PC: variants seen among roughly 807,000 people sequenced by gnomAD.
PC encodes pyruvate carboxylase, mitochondrial.
In PC, 46 loss-of-function variants were observed where a neutral mutation model predicts 107.8. That is an observed-to-expected ratio of 0.43 (90% CI 0.34 to 0.55). The LOEUF is 0.55. Ranked by LOEUF, PC falls within the 20% of genes least tolerant of loss-of-function variation. PC has a pLI of 0.04. For synonymous variants in PC, 662 were observed against 684.7 expected (o/e 0.97, Z 0.52); for missense variants, 1,241 against 1,643.1 (o/e 0.76, Z 4.23).
In PC at chr11:66,927,136, C is replaced by T. The variant is rs1031650818; in HGVS notation, c.-1+25294G>A. ...TCTCCTGAGTAGCTGGGATTACAGGCATGCACCATCATGCCCAGCTAATTT... is the reference window on the plus strand; with the variant it reads ...TCTCCTGAGTAGCTGGGATTACAGGTATGCACCATCATGCCCAGCTAATTT... On this transcript the variant is annotated intron_variant, in intron 3 of 22. Transcript: ENST00000393960. Among the ~76,000 whole-genome samples, 4 of 143,380 alleles carry T rather than the reference C, an allele frequency of 2.8e-5. No homozygotes were observed. The Admixed American group carries it at 3.1e-4, about 11-fold the overall frequency. 94.1% of individuals were successfully genotyped at this position (143,380 alleles called of 152,430 possible). A position where few individuals can be genotyped will look rare whatever the true frequency, so the allele number is the denominator to read the frequency against.
chr11:66,855,222 C>CT (rs1184262196), intron 12 of PC, among the ~76,000 whole-genome samples: 2 of 152,236 alleles, frequency 1.3e-5, no homozygotes, highest in African/African-American at 2.4e-5. Context: ...ACTGTAAGCT[C>CT]TATGGGGGCA....
Position 66,857,627 on chromosome 11 carries a change from C to T in PC, c.1369-4244G>A. 1.7e-6 allele frequency: 2 copies of T among 1,191,926 alleles called. No individual in the cohort carries two copies. The highest frequency in any genetic ancestry group is 3.2e-5 in the South Asian group (2 of 62,968). The allele number at this position is 1,191,926 out of a possible 1,614,324, so 73.8% of individuals were successfully genotyped here. ...CGGCCCTCTTGGGCCTCTGACCCAG[C>T]CCCTCCCCGGGCCAGGCTCACAGAA... On this transcript the variant is annotated intron_variant, in intron 12 of 22. Coordinates refer to ENST00000393960, the MANE Select transcript of PC (RefSeq NM_001040716.2). The surrounding 1 kb of genome is among the most constrained non-coding windows in gnomAD (Gnocchi z 7.1).
chr11:66,924,369 C>CAAACAAAAAAAAAAA (rs1948664929), intron 3 of PC, among the ~76,000 whole-genome samples: 1 of 65,590 alleles, frequency 1.5e-5, no homozygotes, highest in Non-Finnish European at 2.9e-5. Flanking sequence ...CCATCTCTAC[C>CAAACAAAAAAAAAAA]AAAAAAAAAA....
intron 3 of PC, among the ~76,000 whole-genome samples, chr11:66,886,621 G>C (rs961576404): frequency 2.6e-5 from 4 of 152,160 alleles, no homozygotes; most frequent in African/African-American, 7.2e-5. Context: ...ATACTTAGGA[G>C]GTGGCATCAA....
rs187407656 is a variant in PC, at chr11:66,951,041, G to A, written c.-1+1389C>T. 3.2e-4 allele frequency among the ~76,000 whole-genome samples: 48 copies of A among 152,172 alleles called. No homozygotes were observed. In the East Asian group the frequency reaches 5.4e-3, roughly 17 times the overall value. On this transcript the variant is annotated intron_variant, in intron 3 of 22. Transcript: ENST00000393960. ...CCTTACTCAATGGTAGCACGCAGAC[G>A]GCACCTGCTGGCCCAAGACCTAGCT...
intron 3 of PC, among the ~76,000 whole-genome samples, chr11:66,928,983 A>T (rs1948783868): frequency 6.6e-6 from 1 of 152,210 alleles, no homozygotes; most frequent in African/African-American, 2.4e-5. Flanking sequence ...GGGCCTGTGT[A>T]TGATTCCTGC....
intron 2 of PC, among the ~76,000 whole-genome samples, 154 bp downstream of exon 2, chr11:66,954,095 C>T (rs1949501067): frequency 6.6e-6 from 1 of 152,096 alleles, no homozygotes; most frequent in South Asian, 2.1e-4. Flanking sequence ...TCCTGTGTCT[C>T]GAAGAATAAT....
chr11:66,901,626 A>G (rs1328716411), intron 3 of PC, among the ~76,000 whole-genome samples: 4 of 152,182 alleles, frequency 2.6e-5, no homozygotes, highest in African/African-American at 9.6e-5. Context: ...ACCTGCCACC[A>G]TGCCTGGCTA....
Position 66,945,431 on chromosome 11 carries a change from C to T in PC, c.-1+6999G>A, listed in dbSNP as rs76060760. Among the ~76,000 whole-genome samples the T allele has an allele frequency of 5.1e-4, 38 of 74,846 alleles. 12 individuals are homozygous for T. Among genetic ancestry groups the T allele is most frequent in the Non-Finnish European group, 9.5e-4 (33 of 34,866 alleles). The allele number at this position is 74,846 out of a possible 152,430, so 49.1% of individuals were successfully genotyped here. ...ATTCAAATGGTTTGGGGGGGCGGGTCGGAACTGCAGAGTTACATGAGATGA... is the reference window on the plus strand; with the variant it reads ...ATTCAAATGGTTTGGGGGGGCGGGTTGGAACTGCAGAGTTACATGAGATGA... On this transcript the variant is annotated intron_variant, in intron 3 of 22. Coordinates refer to ENST00000393960, the MANE Select transcript of PC (RefSeq NM_001040716.2).
chr11:66,870,493 T>A lies in PC; in HGVS notation c.752-40A>T. Reference sequence around the variant, plus strand: ...AAACTGGGCTTAGCTTTTACTGGAATCTACACGCCTCCTAAATGCCCCATC... The same window carrying A: ...AAACTGGGCTTAGCTTTTACTGGAAACTACACGCCTCCTAAATGCCCCATC... On this transcript the variant is annotated intron_variant, in intron 8 of 22. Transcript: ENST00000393960. The surrounding 1 kb of genome is among the most constrained non-coding windows in gnomAD (Gnocchi z 6.1). The A allele has an allele frequency of 6.2e-7, 1 of 1,604,350 alleles. No individual in the cohort carries two copies.
At position 66,871,460 on chromosome 11, in the gene PC, C is replaced by T. The variant is rs1237432876; in HGVS notation, c.342G>A (p.Val114=). ...KVAKENNVDA[V]HPGYGFLSER... The stretch of plus-strand genomic sequence containing the variant: ...CAGAGAGGAACCCGTAGCCAGGGTG[C>T]ACTGCATCTACGTTGTTCTCCTGCA... The change falls in exon 6 of 23, where the codon GTG becomes GTA. Residue 114 remains valine, a synonymous_variant. Transcript: ENST00000393960. The surrounding 1 kb of genome is among the most constrained non-coding windows in gnomAD (Gnocchi z 7.4). 1.2e-6 allele frequency: 2 copies of T among 1,613,416 alleles called. No homozygotes were observed. Among genetic ancestry groups the T allele is most frequent in the South Asian group, 1.1e-5 (1 of 91,088 alleles).
In PC at chr11:66,870,428, G is replaced by A. The variant is rs1173195783; in HGVS notation, c.777C>T (p.His259=). 2 of 1,613,646 alleles carry A rather than the reference G, an allele frequency of 1.2e-6. No homozygotes were observed. The highest frequency in any genetic ancestry group is 1.1e-5 in the South Asian group (1 of 91,084). ...ILGDQYGNIL[H]LYERDCSIQR... ...GGATGGAGCAGTCTCGCTCGTACAGGTGCAGGATGTTCCCATACTGGTCCC... is the reference window on the plus strand; with the variant it reads ...GGATGGAGCAGTCTCGCTCGTACAGATGCAGGATGTTCCCATACTGGTCCC... Residue 259 remains histidine, a synonymous_variant, in exon 9 of 23, where the codon CAC becomes CAT. Transcript: ENST00000393960. This position sits in a 1 kb window ranked among gnomAD's most constrained non-coding sequence, Gnocchi z 6.1.
intron 3 of PC, among the ~76,000 whole-genome samples, chr11:66,913,755 T>G (rs1203070613): frequency 1.3e-5 from 2 of 151,944 alleles, no homozygotes; most frequent in Non-Finnish European, 2.9e-5. Context: ...CTGTTGTCCC[T>G]GTGCAACGTA....
At chr11:66,860,989 C>T (rs571590686) in intron 12 of PC, among the ~76,000 whole-genome samples, 3 of 152,302 alleles carry the variant, frequency 2.0e-5, no homozygotes, top group Non-Finnish European at 2.9e-5. Context: ...AAACGCCATC[C>T]CAAAGGGACT....
At chr11:66,948,682 G>A (rs1051807764) in intron 3 of PC, among the ~76,000 whole-genome samples, 1 of 152,076 alleles carries the variant, frequency 6.6e-6, no homozygotes, top group East Asian at 1.9e-4. Flanking sequence ...TCCACAAAAA[G>A]TACAAAAATT....
At chr11:66,873,425 T>TATATATAAA (rs1946826555) in intron 3 of PC, among the ~76,000 whole-genome samples, 2 of 83,684 alleles carry the variant, frequency 2.4e-5, no homozygotes, top group Non-Finnish European at 4.2e-5. Context: ...TATAATATAT[T>TATATATAAA]ATATATATTA....
intron 12 of PC, among the ~76,000 whole-genome samples, chr11:66,856,328 G>C (rs1362050122): frequency 6.6e-6 from 1 of 152,202 alleles, no homozygotes; most frequent in Non-Finnish European, 1.5e-5. Context: ...CCGAGGCGGA[G>C]GCCGGTTGGC....
At chr11:66,923,483 T>C (rs1948641971) in intron 3 of PC, among the ~76,000 whole-genome samples, 1 of 152,030 alleles carries the variant, frequency 6.6e-6, no homozygotes, top group African/African-American at 2.4e-5. Flanking sequence ...ACAAGACAGC[T>C]ATGGAATACA....
intron 3 of PC, among the ~76,000 whole-genome samples, chr11:66,936,591 T>C (rs1361423665): frequency 3.9e-5 from 6 of 152,336 alleles, no homozygotes; most frequent in Admixed American, 6.5e-5. Flanking sequence ...GTGAAATGCC[T>C]GACAGGTCGT....
Sources: allele counts gnomAD v4.1 joint callset (sites outside exome capture counted in the v4.1 genomes callset), GRCh38; gene constraint gnomAD v4.1.1; non-coding constraint Gnocchi (gnomAD v3.1); transcripts MANE v1.5; gene names NCBI Gene and HGNC (gene_info 2026-07-23, HGNC 2026-07-21).